The following CTNNA3 variants were observed in gnomAD, a reference collection of about 807,000 sequenced individuals.
CTNNA3 encodes catenin alpha 3.
In CTNNA3, 76 loss-of-function variants were observed where a neutral mutation model predicts 95.7. The ratio of observed to expected loss-of-function variants is 0.79; its 90% CI spans 0.66 to 0.96. CTNNA3 has a LOEUF of 0.96. Ranked by LOEUF, CTNNA3 falls within the 40% of genes least tolerant of loss-of-function variation. CTNNA3 has a pLI of 0.00. For synonymous variants in CTNNA3, 431 were observed against 374.4 expected (o/e 1.15, Z -1.74); for missense variants, 1,191 against 1,089.8 (o/e 1.09, Z -1.31).
At position 67,037,519 on chromosome 10, in the gene CTNNA3, G is replaced by A. The variant is rs141007096; in HGVS notation, c.1047+142798C>T. On this transcript the variant is annotated intron_variant, in intron 7 of 17. Transcript: ENST00000433211. ...ATATAAGATGTTTAGGTAGAGGAGT[G>A]ATCATCATATCTGCATTTCAGGTAG... Among the ~76,000 whole-genome samples the A allele has an allele frequency of 5.0e-3, 755 of 152,256 alleles. 3 individuals are homozygous for A. Among genetic ancestry groups the A allele is most frequent in the Middle Eastern group, 0.027 (8 of 294 alleles).
rs370505957 is a variant in CTNNA3, at chr10:66,736,915, C to T, written c.1281+29349G>A. On this transcript the variant is annotated intron_variant, in intron 9 of 17. Transcript: ENST00000433211. ...TTGAAAAACATTTGATTTTTAATAA[C>T]ACTTTAAATGTTTTAAACTTAATCT... 1.1e-4 allele frequency among the ~76,000 whole-genome samples: 17 copies of T among 152,170 alleles called. No homozygotes were observed. The South Asian group carries it at 3.3e-3, about 30-fold the overall frequency.
chr10:67,122,912 T>C (rs1013238317), intron 7 of CTNNA3, among the ~76,000 whole-genome samples: 8 of 152,072 alleles, frequency 5.3e-5, no homozygotes, highest in Admixed American at 2.6e-4. Context: ...GCCACATTAA[T>C]AAAAATAAGC....
At chr10:66,249,836 G>A (rs577344154) in intron 13 of CTNNA3, among the ~76,000 whole-genome samples, 1 of 151,910 alleles carries the variant, frequency 6.6e-6, no homozygotes, top group African/African-American at 2.4e-5. Context: ...AACAAACAAA[G>A]AAACAAACAA....
At chr10:66,128,722 G>GTACA (rs1426604074) in intron 13 of CTNNA3, among the ~76,000 whole-genome samples, 1 of 152,146 alleles carries the variant, frequency 6.6e-6, no homozygotes, top group African/African-American at 2.4e-5. Flanking sequence ...GGTGTTTAAT[G>GTACA]TCCAAACTCA....
chr10:67,308,329 T>C (rs934419310), intron 5 of CTNNA3, among the ~76,000 whole-genome samples: 6 of 152,198 alleles, frequency 3.9e-5, no homozygotes, highest in Non-Finnish European at 8.8e-5. Context: ...TTTTCCTTGC[T>C]GTTCTTGTGA....
At chr10:67,346,079 T>A (rs1044277652) in intron 5 of CTNNA3, among the ~76,000 whole-genome samples, 2 of 152,160 alleles carry the variant, frequency 1.3e-5, no homozygotes, top group African/African-American at 4.8e-5. Flanking sequence ...ACTACTTAAG[T>A]TGTTTGTAGA....
At chr10:67,758,164 G>C (rs1113976) in intron 1 of CTNNA3, among the ~76,000 whole-genome samples, 1 of 151,760 alleles carries the variant, frequency 6.6e-6, no homozygotes, top group African/African-American at 2.4e-5. Context: ...TTTCAGACCC[G>C]AACTGAACTA....
In CTNNA3 at chr10:67,533,998, T is replaced by C. The variant is rs1840415425; in HGVS notation, c.459+5505A>G. 2.0e-5 allele frequency among the ~76,000 whole-genome samples: 3 copies of C among 151,066 alleles called. No homozygotes were observed. In the South Asian group the frequency reaches 6.2e-4, roughly 31 times the overall value. Reference sequence around the variant, plus strand: ...TTGTGAGCTCAGAGGAATTCTTTAATGCTATGAAATAAAGAACAAAAACAG... The same window carrying C: ...TTGTGAGCTCAGAGGAATTCTTTAACGCTATGAAATAAAGAACAAAAACAG... On this transcript the variant is annotated intron_variant, in intron 4 of 17. Coordinates refer to ENST00000433211, the MANE Select transcript of CTNNA3 (RefSeq NM_013266.4).
intron 5 of CTNNA3, among the ~76,000 whole-genome samples, chr10:67,282,388 AG>A (rs1442111911): frequency 1.3e-5 from 2 of 152,150 alleles, no homozygotes; most frequent in Non-Finnish European, 2.9e-5. Flanking sequence ...CACAAATTTG[AG>A]TAGGATGCAG....
intron 3 of CTNNA3, among the ~76,000 whole-genome samples, chr10:67,580,134 CTA>C (rs1842330860): frequency 6.6e-6 from 1 of 152,150 alleles, no homozygotes; most frequent in Non-Finnish European, 1.5e-5. Flanking sequence ...TTGCCTGTGC[CTA>C]TGTCCTGAAT....
intron 9 of CTNNA3, among the ~76,000 whole-genome samples, chr10:66,678,374 C>T (rs1201931033): frequency 6.6e-6 from 1 of 152,106 alleles, no homozygotes; most frequent in Non-Finnish European, 1.5e-5. Flanking sequence ...GTACTCAAAG[C>T]TTATCTATTA....
intron 11 of CTNNA3, among the ~76,000 whole-genome samples, chr10:66,448,954 G>T (rs1203642272): frequency 5.9e-5 from 9 of 151,844 alleles, no homozygotes; most frequent in Non-Finnish European, 1.2e-4. Flanking sequence ...GATGAGATTG[G>T]CTAAGAGTAA....
intron 13 of CTNNA3, among the ~76,000 whole-genome samples, chr10:66,262,568 C>T (rs2091037467): frequency 6.6e-6 from 1 of 151,736 alleles, no homozygotes; most frequent in Non-Finnish European, 1.5e-5. Flanking sequence ...TTTATAACAA[C>T]AGCCATAGAA....
chr10:66,461,633 TATC>T (rs2093529787), intron 11 of CTNNA3, among the ~76,000 whole-genome samples: 1 of 150,758 alleles, frequency 6.6e-6, no homozygotes. Flanking sequence ...AATAAGGAGA[TATC>T]ATTATTTCAC....
intron 13 of CTNNA3, among the ~76,000 whole-genome samples, chr10:66,253,502 G>T (rs912231075): frequency 2.6e-5 from 4 of 152,118 alleles, no homozygotes; most frequent in Non-Finnish European, 2.9e-5. Context: ...AACTTAGATG[G>T]AAGTTAAACA....
At chr10:66,711,193 A>G (rs1206888659) in intron 9 of CTNNA3, among the ~76,000 whole-genome samples, 4 of 150,494 alleles carry the variant, frequency 2.7e-5, no homozygotes, top group Non-Finnish European at 5.9e-5. Flanking sequence ...CAAGCAATAC[A>G]GGACCTGGAA....
At chr10:67,181,865 G>A (rs1014553756) in intron 6 of CTNNA3, among the ~76,000 whole-genome samples, 35 of 152,090 alleles carry the variant, frequency 2.3e-4, no homozygotes, top group African/African-American at 8.2e-4. Context: ...ACTGTGTAAT[G>A]TTCCCTTACT....
At chr10:66,980,410 A>G (rs1408571476) in intron 7 of CTNNA3, among the ~76,000 whole-genome samples, 1 of 152,302 alleles carries the variant, frequency 6.6e-6, no homozygotes, top group East Asian at 1.9e-4. Flanking sequence ...CACACAGAGA[A>G]AAGAGAACCC....
At chr10:66,010,716 T>G (rs1025360691) in intron 15 of CTNNA3, among the ~76,000 whole-genome samples, 1 of 152,148 alleles carries the variant, frequency 6.6e-6, no homozygotes, top group Non-Finnish European at 1.5e-5. Context: ...ATGTTCAGAT[T>G]ATTATGCCAC....
Sources: allele counts gnomAD v4.1 joint callset (sites outside exome capture counted in the v4.1 genomes callset), GRCh38; gene constraint gnomAD v4.1.1; transcripts MANE v1.5; gene names NCBI Gene and HGNC (gene_info 2026-07-23, HGNC 2026-07-21).